The following CIZ1 variants were observed in gnomAD, a reference collection of about 807,000 sequenced individuals.
CIZ1 encodes cip1-interacting zinc finger protein.
A neutral mutation model predicts 118.6 loss-of-function variants in CIZ1; 58 were observed. The ratio of observed to expected loss-of-function variants is 0.49; its 90% CI spans 0.40 to 0.61. CIZ1 has a LOEUF of 0.61. Among genes scored for constraint, CIZ1 ranks in the 20% least tolerant of loss-of-function variants. The pLI is 0.00. For synonymous variants in CIZ1, 448 were observed against 443.4 expected (o/e 1.01, Z -0.13); for missense variants, 921 against 1,115.9 (o/e 0.83, Z 2.49).
rs1444613490 is a variant in CIZ1 at position 128,166,220 on chromosome 9, G to A, written c.2674C>T (p.Arg892Cys). The change falls in exon 17 of 17, where the codon CGC becomes TGC. Residue 892 changes from arginine to cysteine, a missense_variant. Physicochemically the swap from Arg to Cys is radical, Grantham distance 180. Transcript: ENST00000372938. This position sits in a 1 kb window ranked among gnomAD's most constrained non-coding sequence, Gnocchi z 4.4. ...ARPSQPPLPR[R>C]STRLKT ...TATCAGGTTTTGAGGCGGGTTGAGC[G>A]CCGAGGTAGTGGGGGCTGGGAGGGT... The A allele has an allele frequency of 1.1e-5, 16 of 1,493,100 alleles. No homozygotes were observed. Among genetic ancestry groups the A allele is most frequent in the Admixed American group, 6.5e-5 (3 of 46,474 alleles). 92.5% of individuals were successfully genotyped at this position (1,493,100 alleles called of 1,614,324 possible).
At chr9:128,168,000 T>C (rs775134852) in intron 14 of CIZ1, among the ~76,000 whole-genome samples, 27 of 152,212 alleles carry the variant, frequency 1.8e-4, no homozygotes, top group Non-Finnish European at 3.7e-4. Flanking sequence ...CATACTACCC[T>C]GCCTAGGACT....
At chr9:128,173,420 C>G (rs1399313847) in intron 11 of CIZ1, among the ~76,000 whole-genome samples, 2 of 151,656 alleles carry the variant, frequency 1.3e-5, no homozygotes, top group East Asian at 3.9e-4. Context: ...GCTGGGATTA[C>G]AGGCGTGAGC....
intron 9 of CIZ1, among the ~76,000 whole-genome samples, chr9:128,178,036 G>A (rs1026388367): frequency 4.6e-5 from 7 of 152,104 alleles, no homozygotes; most frequent in Non-Finnish European, 8.8e-5. Flanking sequence ...CCACAGTTAC[G>A]CAGAGCTGGG....
intron 1 of CIZ1, among the ~76,000 whole-genome samples, chr9:128,202,405 A>G (rs1564313398): frequency 6.6e-6 from 1 of 152,128 alleles, no homozygotes; most frequent in Non-Finnish European, 1.5e-5. Flanking sequence ...GGAGCCCTGG[A>G]TTTGAATCCC....
intron 3 of CIZ1, among the ~76,000 whole-genome samples, chr9:128,188,799 AT>A (rs1421932203): frequency 4.7e-4 from 69 of 147,914 alleles, no homozygotes; most frequent in African/African-American, 1.5e-3. Flanking sequence ...CGCCCAGCCA[AT>A]TTTTTTTTTC....
In CIZ1 at chr9:128,203,024, C is replaced by T. The variant is rs1429705494; in HGVS notation, c.-6+1162G>A. 1 of 152,126 alleles carries T rather than the reference C, an allele frequency of 6.6e-6. No individual in the cohort carries two copies. The highest frequency in any genetic ancestry group is 6.5e-5 in the Admixed American group (1 of 15,278). 9.4% of individuals were successfully genotyped at this position (152,126 alleles called of 1,614,324 possible). On this transcript the variant is annotated intron_variant, in intron 1 of 17. Coordinates refer to the CIZ1 transcript ENST00000372948. The surrounding 1 kb of genome is among the most constrained non-coding windows in gnomAD (Gnocchi z 5.3). The stretch of plus-strand genomic sequence containing the variant: ...CAGCGAGATGAAGGGGAACTCATCT[C>T]GGAGTTCTGACCTCTGAGGTCAGGA...
chr9:128,197,499 T>C (rs7039822), intron 1 of CIZ1: 139,279 of 152,362 alleles, frequency 0.91, 64,429 homozygotes, highest in Non-Finnish European at 0.98. Flanking sequence ...TGGCTGTCGC[T>C]CACCTGTGCC....
In CIZ1 at chr9:128,203,993, C is replaced by T. The variant is rs142093302; in HGVS notation, c.-6+193G>A. 598 of 159,056 alleles carry T rather than the reference C, an allele frequency of 3.8e-3. 2 individuals carry two copies. The highest frequency in any genetic ancestry group is 0.014 in the African/African-American group (566 of 41,802). The allele number at this position is 159,056 out of a possible 1,614,324, so 9.9% of individuals were successfully genotyped here. A position where few individuals can be genotyped will look rare whatever the true frequency, so the allele number is the denominator to read the frequency against. ...ATTACTCAGCGTCTCCGTTGGGCTC[C>T]GGGAGTCCCTTGGAGCGGGCAGCAC... is the stretch of plus-strand genomic sequence containing the variant. On this transcript the variant is annotated intron_variant, in intron 1 of 17. Transcript: ENST00000372948. The surrounding 1 kb of genome is among the most constrained non-coding windows in gnomAD (Gnocchi z 5.3).
intron 1 of CIZ1, among the ~76,000 whole-genome samples, chr9:128,198,908 G>T (rs986209130): frequency 3.9e-5 from 6 of 151,932 alleles, no homozygotes; most frequent in Admixed American, 2.6e-4. Flanking sequence ...GAAAACCATC[G>T]ATTACCAGAG....
intron 5 of CIZ1, 46 bp from the exon 6 acceptor site, chr9:128,180,860 T>C (rs1225092210): frequency 4.3e-6 from 6 of 1,397,274 alleles, no homozygotes; most frequent in South Asian, 1.2e-5. Flanking sequence ...CCCACCCCTA[T>C]CAATACCCCC....
intron 6 of CIZ1, 69 bp from the exon 7 acceptor site, chr9:128,180,592 G>GAGCCCA: frequency 7.0e-7 from 1 of 1,433,774 alleles, no homozygotes; most frequent in Non-Finnish European, 9.8e-7. Flanking sequence ...CCAAGAGATG[G>GAGCCCA]GGCCTGGGCT....
intron 3 of CIZ1, among the ~76,000 whole-genome samples, chr9:128,189,529 C>A (rs886121242): frequency 3.3e-5 from 5 of 152,024 alleles, no homozygotes; most frequent in African/African-American, 1.2e-4. Context: ...GAATCAGGAG[C>A]AGCATCTTGG....
intron 1 of CIZ1, among the ~76,000 whole-genome samples, chr9:128,198,764 G>A (rs929134323): frequency 1.3e-4 from 19 of 151,834 alleles, no homozygotes; most frequent in African/African-American, 4.4e-4. Flanking sequence ...CCCAGGAGGC[G>A]GAGGTTGCAG....
rs551056588 is a variant in CIZ1 at position 128,166,205 on chromosome 9, T to G, written c.2689A>C (p.Lys897Gln). The G allele has an allele frequency of 7.0e-7, 1 of 1,431,940 alleles. No homozygotes were observed. Among genetic ancestry groups the G allele is most frequent in the African/African-American group, 1.4e-5 (1 of 68,984 alleles). 88.7% of individuals were successfully genotyped at this position (1,431,940 alleles called of 1,614,324 possible). ...PPLPRRSTRL[K>Q]T is the part of the protein sequence containing the mutation. ...ACAGGGAGGTCCCTCTATCAGGTTT[T>G]GAGGCGGGTTGAGCGCCGAGGTAGT... Residue 897 changes from lysine (K) to glutamine (Q), a missense_variant, in exon 17 of 17, where the codon AAA (lysine) becomes CAA (glutamine). Coordinates refer to ENST00000372938, the MANE Select transcript of CIZ1 (RefSeq NM_001131016.2). This position sits in a 1 kb window ranked among gnomAD's most constrained non-coding sequence, Gnocchi z 4.4.
At chr9:128,186,974 C>G (rs895836377) in intron 4 of CIZ1, among the ~76,000 whole-genome samples, 7 of 144,446 alleles carry the variant, frequency 4.8e-5, no homozygotes, top group African/African-American at 1.6e-4. Flanking sequence ...GAGTCTTGCT[C>G]TGTTGCCCAG....
At chr9:128,169,774 G>GC in intron 12 of CIZ1, 1 of 1,450,280 alleles carries the variant, frequency 6.9e-7, no homozygotes, top group Non-Finnish European at 9.3e-7. Flanking sequence ...GAGGGCAGCT[G>GC]CCCAAATAAC....
At chr9:128,191,850 C>A, upstream of CIZ1, 2 of 1,480,764 alleles carry the variant, frequency 1.4e-6, no homozygotes, top group African/African-American at 1.4e-5. The surrounding 1 kb of genome is among the most constrained non-coding windows in gnomAD (Gnocchi z 5.5). Context: ...CTGTTCCCAA[C>A]CCACCTCCCT....
Position 128,180,819 on chromosome 9 carries a change from T to A in CIZ1, c.589-5A>T. 6.2e-7 allele frequency: 1 copy of A among 1,604,626 alleles called. No homozygotes were observed. Among genetic ancestry groups the A allele is most frequent in the South Asian group, 1.1e-5 (1 of 90,888 alleles). On this transcript the variant is annotated splice_polypyrimidine_tract_variant and splice_region_variant and intron_variant, in intron 5 of 16. Coordinates refer to ENST00000372938, the MANE Select transcript of CIZ1 (RefSeq NM_001131016.2). ...CATTGTCTGAGAAGAAGAATCCTGCTTCCTTTCAGAAACTATGTTGACATC... is the reference window on the plus strand; with the variant it reads ...CATTGTCTGAGAAGAAGAATCCTGCATCCTTTCAGAAACTATGTTGACATC...
upstream of CIZ1, among the ~76,000 whole-genome samples, chr9:128,194,218 C>T (rs190012422): frequency 6.1e-3 from 931 of 151,488 alleles, 2 homozygotes; most frequent in Non-Finnish European, 0.01. Context: ...AAAAATTAGC[C>T]GGGCATGGTG....
Sources: gnomAD v4.1 joint callset for allele counts (sites outside exome capture counted in the v4.1 genomes callset) on GRCh38, gnomAD v4.1.1 for gene constraint, Gnocchi (gnomAD v3.1) non-coding constraint, MANE v1.5 for transcripts, NCBI Gene and HGNC (gene_info 2026-07-23, HGNC 2026-07-21) for gene names.